TEX36: variants seen among roughly 807,000 people sequenced by gnomAD.
The protein encoded by TEX36 is testis-expressed protein 36.
Under a neutral mutation model 13.6 loss-of-function variants are expected in TEX36, and 12 were observed. That is an observed-to-expected ratio of 0.88 (90% CI 0.56 to 1.43). TEX36 has a LOEUF of 1.43. Among genes scored for constraint, TEX36 ranks in the 40% most tolerant of loss-of-function variants. The pLI, the probability that TEX36 is intolerant of heterozygous loss-of-function variation, is 0.00. For missense variants in TEX36, 224 were observed against 228.3 expected (o/e 0.98, Z 0.12); for synonymous variants, 93 against 83.0 (o/e 1.12, Z -0.65).
chr10:125,626,701 G>A (rs980767942), intron 3 of TEX36, among the ~76,000 whole-genome samples: 3 of 152,172 alleles, frequency 2.0e-5, no homozygotes, highest in African/African-American at 4.8e-5. Context: ...GGGCTTTCTG[G>A]GGAGGTGGGA....
chr10:125,632,273 G>A (rs767236691), intron 3 of TEX36, among the ~76,000 whole-genome samples: 2 of 152,122 alleles, frequency 1.3e-5, no homozygotes, highest in African/African-American at 4.8e-5. Context: ...CTCGTGAGAC[G>A]TCCAGGGAGC....
At chr10:125,668,875 T>C (rs1847170458) in intron 1 of TEX36, among the ~76,000 whole-genome samples, 1 of 152,218 alleles carries the variant, frequency 6.6e-6, no homozygotes, top group African/African-American at 2.4e-5. Flanking sequence ...TTTCCTCTGC[T>C]TGGCCGGGCA....
intron 3 of TEX36, among the ~76,000 whole-genome samples, chr10:125,648,949 T>C (rs892155803): frequency 9.9e-5 from 15 of 151,780 alleles, no homozygotes; most frequent in Non-Finnish European, 1.3e-4. Flanking sequence ...ATAATAGAAG[T>C]TTAGAGAAAA....
intron 1 of TEX36, chr10:125,667,421 A>T: frequency 4.5e-6 from 3 of 674,090 alleles, no homozygotes; most frequent in Non-Finnish European, 8.5e-6. Flanking sequence ...CTGCTAGCAG[A>T]TGCTGGCATG....
intron 3 of TEX36, among the ~76,000 whole-genome samples, chr10:125,590,106 T>C (rs1846002901): frequency 6.6e-6 from 1 of 152,098 alleles, no homozygotes; most frequent in African/African-American, 2.4e-5. Flanking sequence ...CCTCATTCTC[T>C]CTCTCACTTT....
chr10:125,583,492 C>T (rs999505409), intron 3 of TEX36, among the ~76,000 whole-genome samples: 2 of 152,176 alleles, frequency 1.3e-5, no homozygotes, highest in African/African-American at 4.8e-5. Flanking sequence ...CTGCATGGAT[C>T]CTCTTTTGTA....
chr10:125,607,570 A>G (rs1846229908), intron 3 of TEX36, among the ~76,000 whole-genome samples: 1 of 152,164 alleles, frequency 6.6e-6, no homozygotes, highest in Admixed American at 6.5e-5. Flanking sequence ...GCCAAAGAAT[A>G]TTGTTGAACC....
At chr10:125,632,315 T>C (rs1298424598) in intron 3 of TEX36, among the ~76,000 whole-genome samples, 1 of 152,254 alleles carries the variant, frequency 6.6e-6, no homozygotes, top group Non-Finnish European at 1.5e-5. Context: ...TGGTTCTGCC[T>C]TGGGATATTT....
chr10:125,659,752 T>C (rs1847003272), intron 3 of TEX36, among the ~76,000 whole-genome samples: 1 of 152,202 alleles, frequency 6.6e-6, no homozygotes, highest in South Asian at 2.1e-4. Context: ...GTAATTAGCC[T>C]GTAGGATTGT....
At chr10:125,613,452 C>T (rs1232104266) in intron 3 of TEX36, among the ~76,000 whole-genome samples, 1 of 102,980 alleles carries the variant, frequency 9.7e-6, no homozygotes, top group African/African-American at 3.9e-5. Context: ...CACAACAGTC[C>T]TCAGAGTGTG....
At chr10:125,590,478 G>A (rs1846009095) in intron 3 of TEX36, among the ~76,000 whole-genome samples, 2 of 151,984 alleles carry the variant, frequency 1.3e-5, no homozygotes, top group Non-Finnish European at 2.9e-5. Context: ...TCTTCATGGT[G>A]GCAATACTTT....
chr10:125,656,115 G>A lies in TEX36; in HGVS notation c.346C>T (p.Pro116Ser). The change falls in exon 4 of 4, where the codon CCA (proline) becomes TCA (serine). Residue 116 changes from proline to serine, a missense_variant. Transcript: ENST00000368821. The part of the protein sequence containing the change: ...NFNLWACDYV[P>S]SCLDGFSNNQ... ...TTTGAAAAGCCATCAAGACAAGATG[G>A]AACATAGTCACATGCCCAGAGATTA... The A allele has an allele frequency of 4.5e-6, 7 of 1,550,552 alleles. No individual in the cohort carries two copies. Among genetic ancestry groups the A allele is most frequent in the Non-Finnish European group, 5.2e-6 (6 of 1,146,752 alleles).
intron 1 of TEX36, chr10:125,666,980 C>G: frequency 8.0e-7 from 1 of 1,248,112 alleles, no homozygotes; most frequent in African/African-American, 1.5e-5. Context: ...CCACGGCTCA[C>G]TTGACTCCTC....
intron 3 of TEX36, among the ~76,000 whole-genome samples, chr10:125,625,994 C>T (rs369094156): frequency 2.6e-5 from 4 of 152,330 alleles, no homozygotes; most frequent in East Asian, 1.9e-4. Context: ...CACCTGCTCT[C>T]GTAGACACCT....
intron 3 of TEX36, among the ~76,000 whole-genome samples, chr10:125,642,541 T>C (rs1393521720): frequency 3.3e-5 from 5 of 152,220 alleles, no homozygotes; most frequent in African/African-American, 9.6e-5. Context: ...TTTTTTAAGA[T>C]TTCATTTTAG....
intron 1 of TEX36, among the ~76,000 whole-genome samples, chr10:125,672,036 T>G (rs1847240595): frequency 6.6e-6 from 1 of 152,180 alleles, no homozygotes; most frequent in African/African-American, 2.4e-5. Flanking sequence ...TCTTTATTAG[T>G]CTAGCTAGTG....
chr10:125,626,894 G>A (rs918911953), intron 3 of TEX36, among the ~76,000 whole-genome samples: 12 of 152,174 alleles, frequency 7.9e-5, no homozygotes, highest in Non-Finnish European at 1.8e-4. Context: ...CTTCCCTCCA[G>A]CACGACCTCC....
At chr10:125,630,232 C>G (rs911639147) in intron 3 of TEX36, among the ~76,000 whole-genome samples, 1 of 152,056 alleles carries the variant, frequency 6.6e-6, no homozygotes, top group Non-Finnish European at 1.5e-5. Context: ...ACAAGTTACC[C>G]CAGAACTTCA....
intron 3 of TEX36, among the ~76,000 whole-genome samples, chr10:125,659,282 T>C (rs975893567): frequency 2.0e-5 from 3 of 152,158 alleles, no homozygotes; most frequent in Non-Finnish European, 4.4e-5. Flanking sequence ...TCTAGAAGAC[T>C]ATCATAACCT....
Sources: allele counts gnomAD v4.1 joint callset (sites outside exome capture counted in the v4.1 genomes callset), GRCh38; gene constraint gnomAD v4.1.1; transcripts MANE v1.5; gene names NCBI Gene and HGNC (gene_info 2026-07-23, HGNC 2026-07-21).